UHRF2: variants seen among roughly 807,000 people sequenced by gnomAD.
UHRF2 encodes ubiquitin like with PHD and ring finger domains 2.
UHRF2 carries 23 observed loss-of-function variants against 96.8 expected under a neutral mutation model. The observed-to-expected ratio is 0.24, with a 90% confidence interval of 0.17 to 0.34. The LOEUF is 0.34. Ranked by LOEUF, UHRF2 falls within the 10% of genes least tolerant of loss-of-function variation. The pLI is 1.00. For missense variants in UHRF2, 685 were observed against 981.5 expected (o/e 0.70, Z 4.04); for synonymous variants, 385 against 332.6 (o/e 1.16, Z -1.72).
At chr9:6,505,485 C>T (rs1816535562) in intron 15 of UHRF2, among the ~76,000 whole-genome samples, 1 of 152,076 alleles carries the variant, frequency 6.6e-6, no homozygotes, top group African/African-American at 2.4e-5. Flanking sequence ...TTAGTAGAGA[C>T]AGGGTTTCAC....
At chr9:6,483,133 C>T (rs1369556595) in intron 8 of UHRF2, among the ~76,000 whole-genome samples, 1 of 151,738 alleles carries the variant, frequency 6.6e-6, no homozygotes, top group Non-Finnish European at 1.5e-5. Flanking sequence ...CAAAACCAGC[C>T]TCGCCAACAT....
intron 9 of UHRF2, among the ~76,000 whole-genome samples, chr9:6,488,174 T>A (rs184649461): frequency 1.9e-4 from 27 of 144,216 alleles, no homozygotes; most frequent in African/African-American, 6.7e-4. Context: ...GCTCAGGAGG[T>A]CGAGGCTGTA....
chr9:6,422,253 T>A (rs1408883833), intron 2 of UHRF2, among the ~76,000 whole-genome samples: 1 of 151,676 alleles, frequency 6.6e-6, no homozygotes, highest in Non-Finnish European at 1.5e-5. Context: ...GGCTAATTTT[T>A]ATATTTCCAG....
At chr9:6,417,056 T>C (rs1819649282) in intron 1 of UHRF2, among the ~76,000 whole-genome samples, 1 of 152,136 alleles carries the variant, frequency 6.6e-6, no homozygotes, top group Non-Finnish European at 1.5e-5. Flanking sequence ...ATATAACATA[T>C]ATAATACACA....
At chr9:6,504,799 C>G in intron 15 of UHRF2, 108 bp downstream of exon 15, 3 of 759,308 alleles carry the variant, frequency 4.0e-6, no homozygotes, top group Non-Finnish European at 6.1e-6. Context: ...GGGATAGTTG[C>G]GGAACCTTCT....
At chr9:6,415,151 C>T (rs920239680) in intron 1 of UHRF2, 4 of 152,178 alleles carry the variant, frequency 2.6e-5, no homozygotes, top group Non-Finnish European at 5.9e-5. Flanking sequence ...GGGCAACACT[C>T]CTAAAATCTT....
intron 13 of UHRF2, 32 bp downstream of exon 13, chr9:6,499,963 T>G (rs1825187543): frequency 1.4e-6 from 2 of 1,446,032 alleles, no homozygotes; most frequent in Non-Finnish European, 9.6e-7. Context: ...TAAATAATAA[T>G]AACATACTTT....
At chr9:6,483,324 C>CAAAAAAAA (rs34497002) in intron 8 of UHRF2, among the ~76,000 whole-genome samples, 1 of 59,536 alleles carries the variant, frequency 1.7e-5, no homozygotes, top group Non-Finnish European at 3.5e-5. Context: ...GACTCTGTCT[C>CAAAAAAAA]AAAAAAAAAA....
At chr9:6,414,319 A>T (rs929950867) in intron 1 of UHRF2, among the ~76,000 whole-genome samples, 2 of 152,178 alleles carry the variant, frequency 1.3e-5, no homozygotes, top group African/African-American at 2.4e-5. Context: ...GGGTTTACGA[A>T]TGCCCTATAT....
chr9:6,418,327 G>A (rs1228424668), intron 1 of UHRF2, among the ~76,000 whole-genome samples: 1 of 143,022 alleles, frequency 7.0e-6, no homozygotes, highest in African/African-American at 2.6e-5. Context: ...GGGCTTACTT[G>A]CTTACTGACT....
intron 4 of UHRF2, among the ~76,000 whole-genome samples, chr9:6,463,319 G>A (rs1417814664): frequency 3.9e-5 from 6 of 152,088 alleles, no homozygotes; most frequent in Non-Finnish European, 8.8e-5. Context: ...ATTATGGATA[G>A]GCAAATACCG....
rs572004667 is a variant in UHRF2 at position 6,442,666 on chromosome 9, T to G, written c.644+8493T>G. On this transcript the variant is annotated intron_variant, in intron 3 of 15. Coordinates refer to ENST00000276893, the MANE Select transcript of UHRF2 (RefSeq NM_152896.3). Reference sequence around the variant, plus strand: ...GTTAATTTTTGATTTTTTTTTTTTTTGGGGGGGTAGAGATGGGGTCTCACT... The same window carrying G: ...GTTAATTTTTGATTTTTTTTTTTTTGGGGGGGGTAGAGATGGGGTCTCACT... Among the ~76,000 whole-genome samples the G allele has an allele frequency of 2.1e-3, 226 of 105,314 alleles. 4 individuals carry two copies. Among genetic ancestry groups the G allele is most frequent in the South Asian group, 6.1e-3 (18 of 2,968 alleles). 69.1% of individuals were successfully genotyped at this position (105,314 alleles called of 152,430 possible).
At chr9:6,418,767 A>C (rs973846046) in intron 1 of UHRF2, among the ~76,000 whole-genome samples, 3 of 152,224 alleles carry the variant, frequency 2.0e-5, no homozygotes, top group African/African-American at 7.2e-5. Flanking sequence ...TAAAGAAACA[A>C]AATGGAGACT....
chr9:6,452,157 A>G (rs1821912599), intron 3 of UHRF2, among the ~76,000 whole-genome samples: 1 of 152,024 alleles, frequency 6.6e-6, no homozygotes, highest in African/African-American at 2.4e-5. Flanking sequence ...TAGGAGCACA[A>G]TATTCTATTA....
intron 3 of UHRF2, among the ~76,000 whole-genome samples, chr9:6,440,948 A>T (rs1037229475): frequency 6.6e-6 from 1 of 152,066 alleles, no homozygotes; most frequent in East Asian, 1.9e-4. Context: ...CTGTGATTCT[A>T]TTTCATTCCC....
At chr9:6,432,807 C>A (rs1039053662) in intron 2 of UHRF2, among the ~76,000 whole-genome samples, 1 of 151,182 alleles carries the variant, frequency 6.6e-6, no homozygotes, top group African/African-American at 2.4e-5. Context: ...GAAGGAATTT[C>A]TCTTGGTTGT....
At chr9:6,420,857 A>C in intron 1 of UHRF2, 55 bp from the exon 2 acceptor site, 3 of 1,433,400 alleles carry the variant, frequency 2.1e-6, no homozygotes, top group Non-Finnish European at 2.9e-6. Context: ...GCAACTAAAA[A>C]TGTAGTAAGA....
intron 3 of UHRF2, among the ~76,000 whole-genome samples, chr9:6,457,233 A>C (rs888974342): frequency 6.6e-6 from 1 of 151,730 alleles, no homozygotes; most frequent in Non-Finnish European, 1.5e-5. Flanking sequence ...ATCCCTTGTG[A>C]GTTGTATTCC....
intron 13 of UHRF2, among the ~76,000 whole-genome samples, 156 bp downstream of exon 13, chr9:6,500,087 C>G (rs1429335669): frequency 1.3e-5 from 2 of 152,096 alleles, no homozygotes; most frequent in African/African-American, 2.4e-5. Flanking sequence ...ATCCACCTAC[C>G]TCAACCTCTG....
Sources: allele counts gnomAD v4.1 joint callset (sites outside exome capture counted in the v4.1 genomes callset), GRCh38; gene constraint gnomAD v4.1.1; transcripts MANE v1.5; gene names NCBI Gene and HGNC (gene_info 2026-07-23, HGNC 2026-07-21).